Variants in GNA14 observed in about 807,000 individuals in gnomAD.
GNA14 encodes the protein guanine nucleotide-binding protein subunit alpha-14.
GNA14 carries 50 observed loss-of-function variants against 42.0 expected under a neutral mutation model. That is an observed-to-expected ratio of 1.19 (90% CI 0.95 to 1.51). The LOEUF is 1.51. GNA14 is among the 40% of genes most tolerant of loss of function. The probability of loss-of-function intolerance (pLI) is 0.00; values close to 1 mark genes in which losing one functional copy is unlikely to be tolerated. For missense variants in GNA14, 473 were observed against 446.2 expected, an observed-to-expected ratio of 1.06 and a Z score of -0.54; for synonymous variants, 173 against 163.1, an observed-to-expected ratio of 1.06 and a Z score of -0.46.
intron 2 of GNA14, among the ~76,000 whole-genome samples, chr9:77,504,877 AG>A (rs1268399425): frequency 2.6e-5 from 4 of 152,008 alleles, no homozygotes; most frequent in African/African-American, 7.3e-5. Context: ...CACGTTGGGC[AG>A]GATGGTCTCA....
At chr9:77,575,819 G>T (rs558894564) in intron 1 of GNA14, among the ~76,000 whole-genome samples, 28 of 152,256 alleles carry the variant, frequency 1.8e-4, no homozygotes, top group African/African-American at 5.3e-4. Context: ...AGTTGTCGGG[G>T]GCTGAACTTG....
intron 2 of GNA14, among the ~76,000 whole-genome samples, chr9:77,501,220 G>T (rs1836963823): frequency 6.6e-6 from 1 of 152,148 alleles, no homozygotes; most frequent in Non-Finnish European, 1.5e-5. Context: ...CTCCCAAAGT[G>T]CTGGGATTAC....
intron 1 of GNA14, among the ~76,000 whole-genome samples, chr9:77,598,231 C>A (rs1247766361): frequency 1.3e-5 from 2 of 152,156 alleles, no homozygotes; most frequent in East Asian, 3.9e-4. Flanking sequence ...AAGTTTGGAG[C>A]TCACACTAGT....
chr9:77,463,111 G>T (rs745929), intron 2 of GNA14, among the ~76,000 whole-genome samples: 2 of 151,928 alleles, frequency 1.3e-5, no homozygotes, highest in Admixed American at 6.6e-5. Flanking sequence ...GAATGCGAAG[G>T]GCACCATTTC....
At chr9:77,606,170 A>C (rs1438030217) in intron 1 of GNA14, among the ~76,000 whole-genome samples, 1 of 152,222 alleles carries the variant, frequency 6.6e-6, no homozygotes, top group Non-Finnish European at 1.5e-5. Context: ...TAAAGCCTTG[A>C]CCCAGGAGAA....
chr9:77,564,123 T>A (rs1045481728), intron 1 of GNA14, among the ~76,000 whole-genome samples: 1 of 152,150 alleles, frequency 6.6e-6, no homozygotes, highest in African/African-American at 2.4e-5. Flanking sequence ...CGGATCCTTA[T>A]CAAATTCTCT....
intron 2 of GNA14, among the ~76,000 whole-genome samples, chr9:77,471,984 G>A (rs1024644178): frequency 1.3e-5 from 2 of 152,132 alleles, no homozygotes; most frequent in Admixed American, 6.6e-5. Context: ...GTTTCCCCAT[G>A]GAATCACCAC....
intron 1 of GNA14, among the ~76,000 whole-genome samples, chr9:77,601,061 C>T (rs1564063623): frequency 6.6e-6 from 1 of 152,216 alleles, no homozygotes; most frequent in Non-Finnish European, 1.5e-5. Context: ...AAGTTCGCGC[C>T]TTGTGCAGGG....
At chr9:77,454,859 A>G (rs1008575138) in intron 2 of GNA14, among the ~76,000 whole-genome samples, 1 of 152,168 alleles carries the variant, frequency 6.6e-6, no homozygotes, top group Non-Finnish European at 1.5e-5. Flanking sequence ...AGCATCTCCC[A>G]TGAATGTTTA....
intron 1 of GNA14, among the ~76,000 whole-genome samples, chr9:77,610,778 A>G (rs1487268076): frequency 6.6e-6 from 1 of 152,190 alleles, no homozygotes; most frequent in African/African-American, 2.4e-5. Context: ...AACAGAGAAG[A>G]ACAAGAATCA....
At chr9:77,457,527 G>A (rs976670739) in intron 2 of GNA14, among the ~76,000 whole-genome samples, 31 of 152,224 alleles carry the variant, frequency 2.0e-4, no homozygotes, top group African/African-American at 6.7e-4. Context: ...GTGATGGACC[G>A]GCAATGCCCT....
chr9:77,425,866 G>A (rs1411410264), intron 5 of GNA14, 151 bp from the exon 6 acceptor site: 16 of 625,642 alleles, frequency 2.6e-5, no homozygotes, highest in South Asian at 4.0e-5. Context: ...GGGGCCCCAG[G>A]CTACAGGCCT....
chr9:77,547,373 T>TA (rs1334914756), intron 1 of GNA14, among the ~76,000 whole-genome samples: 6 of 152,210 alleles, frequency 3.9e-5, no homozygotes, highest in African/African-American at 1.4e-4. Context: ...AGGCTGTAAT[T>TA]AAATATATAA....
At chr9:77,594,893 G>A (rs1477918495) in intron 1 of GNA14, among the ~76,000 whole-genome samples, 1 of 152,186 alleles carries the variant, frequency 6.6e-6, no homozygotes, top group Admixed American at 6.5e-5. Context: ...TTCAAGCAAG[G>A]AGAGACTCAT....
At chr9:77,436,544 C>G (rs1464492877) in intron 2 of GNA14, among the ~76,000 whole-genome samples, 1 of 152,106 alleles carries the variant, frequency 6.6e-6, no homozygotes, top group African/African-American at 2.4e-5. Flanking sequence ...TCTTGGCTGG[C>G]GAGAATGATG....
Position 77,647,770 on chromosome 9 carries a change from G to C in GNA14, c.24C>G (p.Ser8=), listed in dbSNP as rs765954210. ...TGCGCTGCGACTCCTTCTCCTCCGC[G>C]GACAGGCAGCAGCAGCCGGCCATGG... MAGCCCL[S]AEEKESQRIS... is the part of the protein sequence containing the mutation. Residue 8 remains serine, a synonymous_variant, in exon 1 of 7, where the codon TCC becomes TCG. Transcript: ENST00000341700. 6.2e-7 allele frequency: 1 copy of C among 1,609,870 alleles called. No individual in the cohort carries two copies. Among genetic ancestry groups the C allele is most frequent in the Non-Finnish European group, 8.5e-7 (1 of 1,178,852 alleles).
intron 1 of GNA14, among the ~76,000 whole-genome samples, chr9:77,622,120 A>G (rs1025301626): frequency 6.6e-6 from 1 of 152,192 alleles, no homozygotes; most frequent in African/African-American, 2.4e-5. Flanking sequence ...TTAAATGTTT[A>G]AATGAAAGAA....
chr9:77,445,244 T>G lies in GNA14; in HGVS notation c.310-10722A>C, dbSNP rs538198464. ...TACGAGAAAGGGACCAGACCAGCCT[T>G]TGCTACATCGCATTTCACATAACAA... On this transcript the variant is annotated intron_variant, in intron 2 of 6. Transcript: ENST00000341700. 2.0e-5 allele frequency among the ~76,000 whole-genome samples: 3 copies of G among 152,262 alleles called. No homozygotes were observed. The South Asian group carries it at 6.2e-4, about 32-fold the overall frequency.
At chr9:77,469,212 T>C (rs1836284951) in intron 2 of GNA14, among the ~76,000 whole-genome samples, 1 of 152,024 alleles carries the variant, frequency 6.6e-6, no homozygotes, top group Non-Finnish European at 1.5e-5. Flanking sequence ...CTATCATTCA[T>C]CCATCCAGAC....
Sources: gnomAD v4.1 joint callset for allele counts (sites outside exome capture counted in the v4.1 genomes callset) on GRCh38, gnomAD v4.1.1 for gene constraint, MANE v1.5 for transcripts, NCBI Gene and HGNC (gene_info 2026-07-23, HGNC 2026-07-21) for gene names.